The following RAB3IP variants were observed in gnomAD, a reference collection of about 807,000 sequenced individuals.
RAB3IP encodes the protein RAB3A interacting protein.
A neutral mutation model predicts 59.1 loss-of-function variants in RAB3IP; 36 were observed. The observed-to-expected ratio is 0.61, with a 90% CI of 0.47 to 0.80. The LOEUF is 0.80. RAB3IP is among the 30% of genes least tolerant of loss of function. RAB3IP has a pLI of 0.00. For synonymous variants in RAB3IP, 207 were observed against 191.2 expected (o/e 1.08, Z -0.68); for missense variants, 511 against 536.0 (o/e 0.95, Z 0.46).
chr12:69,752,674 C>T (rs966656485), intron 1 of RAB3IP, among the ~76,000 whole-genome samples: 12 of 152,080 alleles, frequency 7.9e-5, no homozygotes, highest in African/African-American at 2.9e-4. Flanking sequence ...AATGCTTTTA[C>T]GTTTTATGAT....
intron 10 of RAB3IP, among the ~76,000 whole-genome samples, chr12:69,814,792 C>T (rs968255033): frequency 6.6e-6 from 1 of 152,156 alleles, no homozygotes; most frequent in Non-Finnish European, 1.5e-5. Context: ...CGTTTTTCCA[C>T]TTACAGTGGG....
At chr12:69,793,162 G>A (rs1039107568) in intron 4 of RAB3IP, among the ~76,000 whole-genome samples, 1 of 151,844 alleles carries the variant, frequency 6.6e-6, no homozygotes, top group Non-Finnish European at 1.5e-5. Flanking sequence ...CAGCTCTTAA[G>A]GACTTTGCCA....
intron 8 of RAB3IP, among the ~76,000 whole-genome samples, chr12:69,807,607 G>A (rs1879636880): frequency 6.8e-6 from 1 of 148,062 alleles, no homozygotes; most frequent in Admixed American, 6.7e-5. Flanking sequence ...TCCTAGATGG[G>A]GCGGCCGGGC....
chr12:69,812,963 G>C lies in RAB3IP; in HGVS notation c.1231-1G>C, dbSNP rs956122171. 3.7e-6 allele frequency: 6 copies of C among 1,613,360 alleles called. No homozygotes were observed. The highest frequency in any genetic ancestry group is 3.3e-5 in the Admixed American group (2 of 60,020). On this transcript the variant is annotated splice_acceptor_variant, in intron 9 of 10. Transcript: ENST00000247833. LOFTEE classifies it high-confidence loss of function. Reference sequence around the variant, plus strand: ...CATGACATTTTCTCCATTTGGCCTAGATCACTTCTGTATGTAACTTTTTTA... The same window carrying C: ...CATGACATTTTCTCCATTTGGCCTACATCACTTCTGTATGTAACTTTTTTA...
chr12:69,807,210 G>T (rs116842318), intron 8 of RAB3IP, among the ~76,000 whole-genome samples: 1 of 145,746 alleles, frequency 6.9e-6, no homozygotes, highest in African/African-American at 2.6e-5. Context: ...GGGCGGCCAG[G>T]CAGAGGCTCT....
At chr12:69,783,822 TA>T (rs1875175711) in intron 3 of RAB3IP, among the ~76,000 whole-genome samples, 1 of 152,238 alleles carries the variant, frequency 6.6e-6, no homozygotes. Context: ...GTGAGCAGTT[TA>T]TCCACATTCT....
At chr12:69,787,973 T>C (rs917836369) in intron 4 of RAB3IP, among the ~76,000 whole-genome samples, 6 of 152,146 alleles carry the variant, frequency 3.9e-5, no homozygotes, top group African/African-American at 1.4e-4. Context: ...TGCTTTAACA[T>C]TTTTATTATG....
intron 8 of RAB3IP, among the ~76,000 whole-genome samples, chr12:69,804,449 T>C (rs570251814): frequency 6.6e-6 from 1 of 152,212 alleles, no homozygotes; most frequent in African/African-American, 2.4e-5. Flanking sequence ...GTAGGTTGCC[T>C]GTTCACTCTG....
intron 4 of RAB3IP, among the ~76,000 whole-genome samples, chr12:69,789,545 T>C (rs1020842391): frequency 6.6e-6 from 1 of 152,098 alleles, no homozygotes; most frequent in Non-Finnish European, 1.5e-5. Flanking sequence ...CTTTTTACAC[T>C]CTTACAAAAA....
intron 4 of RAB3IP, among the ~76,000 whole-genome samples, chr12:69,789,008 A>C (rs150004001): frequency 6.6e-6 from 1 of 152,230 alleles, no homozygotes; most frequent in African/African-American, 2.4e-5. Flanking sequence ...TAAAACTGAA[A>C]ACACAACGTA....
At chr12:69,789,968 C>A (rs1876342346) in intron 4 of RAB3IP, among the ~76,000 whole-genome samples, 1 of 152,114 alleles carries the variant, frequency 6.6e-6, no homozygotes, top group Non-Finnish European at 1.5e-5. Context: ...CCATAGCTAA[C>A]AATCATAATC....
At chr12:69,768,146 C>T (rs1872530266) in intron 3 of RAB3IP, among the ~76,000 whole-genome samples, 1 of 151,774 alleles carries the variant, frequency 6.6e-6, no homozygotes, top group African/African-American at 2.4e-5. Flanking sequence ...GTACCGTGAT[C>T]TGCATCCAGT....
At chr12:69,796,743 T>C in intron 6 of RAB3IP, 1 of 481,774 alleles carries the variant, frequency 2.1e-6, no homozygotes, top group Non-Finnish European at 3.7e-6. Flanking sequence ...TTGTCCTAAC[T>C]TTAATTCTAA....
intron 6 of RAB3IP, among the ~76,000 whole-genome samples, chr12:69,797,316 G>A (rs992752955): frequency 6.6e-6 from 1 of 152,128 alleles, no homozygotes; most frequent in African/African-American, 2.4e-5. Flanking sequence ...CATAATATCT[G>A]TCTTGCACAG....
intron 4 of RAB3IP, among the ~76,000 whole-genome samples, chr12:69,786,911 A>G (rs970303593): frequency 2.0e-5 from 3 of 152,196 alleles, no homozygotes; most frequent in African/African-American, 7.2e-5. Flanking sequence ...CTGGAAAACA[A>G]AGTACATTGA....
At chr12:69,751,599 G>T (rs1273842770) in intron 1 of RAB3IP, among the ~76,000 whole-genome samples, 1 of 152,058 alleles carries the variant, frequency 6.6e-6, no homozygotes, top group African/African-American at 2.4e-5. Flanking sequence ...AGTTCCAAAT[G>T]ACATTAGCAT....
At chr12:69,798,345 T>C (rs1431522443) in intron 6 of RAB3IP, among the ~76,000 whole-genome samples, 1 of 151,344 alleles carries the variant, frequency 6.6e-6, no homozygotes, top group African/African-American at 2.4e-5. Flanking sequence ...TCTGTTCATG[T>C]CCTTCGCCCA....
upstream of RAB3IP, chr12:69,738,397 G>C (rs1347846592): frequency 6.6e-6 from 1 of 152,164 alleles, no homozygotes; most frequent in African/African-American, 2.4e-5. Context: ...ATGGGATCTG[G>C]GTTCTACAGG....
chr12:69,808,826 A>G (rs987531908), intron 8 of RAB3IP, among the ~76,000 whole-genome samples: 4 of 152,190 alleles, frequency 2.6e-5, no homozygotes, highest in Non-Finnish European at 5.9e-5. Flanking sequence ...TGAATACAGC[A>G]TACTGATGGG....
Sources: gnomAD v4.1 joint callset for allele counts (sites outside exome capture counted in the v4.1 genomes callset) on GRCh38, gnomAD v4.1.1 for gene constraint, MANE v1.5 for transcripts, NCBI Gene and HGNC (gene_info 2026-07-23, HGNC 2026-07-21) for gene names.